Variants in ABTB3 observed in about 807,000 individuals in gnomAD.
ABTB3 encodes the protein ankyrin repeat and BTB domain containing 3, also known as ankyrin repeat- and BTB/POZ domain-containing protein 3.
chr12:107,645,480 A>ACCCAGGCCTGGCTGACT, the ABTB3 span, among the ~76,000 whole-genome samples: 1 of 151,862 alleles, frequency 6.6e-6, no homozygotes, highest in Non-Finnish European at 1.5e-5. Context: ...TGAGGTTCAA[A>ACCCAGGCCTGGCTGACT]CCCAGGCCTG....
chr12:107,588,079 A>T, the ABTB3 span, among the ~76,000 whole-genome samples: 155 of 152,048 alleles, frequency 1.0e-3, 2 homozygotes, highest in Admixed American at 7.3e-3. Flanking sequence ...CATCACTCCA[A>T]TCTCTGCCTC....
At chr12:107,574,415 G>T in the ABTB3 span, among the ~76,000 whole-genome samples, 1 of 152,190 alleles carries the variant, frequency 6.6e-6, no homozygotes, top group African/African-American at 2.4e-5. Context: ...TTATCACCTG[G>T]GAGCGCATTA....
the ABTB3 span, among the ~76,000 whole-genome samples, chr12:107,555,885 A>AG: frequency 6.6e-6 from 1 of 152,120 alleles, no homozygotes; most frequent in Non-Finnish European, 1.5e-5. Flanking sequence ...GCAACAGAGA[A>AG]GGATTCATTG....
At chr12:107,533,327 C>A in the ABTB3 span, among the ~76,000 whole-genome samples, 1 of 152,102 alleles carries the variant, frequency 6.6e-6, no homozygotes, top group African/African-American at 2.4e-5. Context: ...AAGGTATAGA[C>A]TGGCTGAAAG....
the ABTB3 span, chr12:107,581,384 C>A: frequency 5.0e-6 from 6 of 1,192,898 alleles, no homozygotes; most frequent in Admixed American, 2.2e-4. Context: ...ATCAGAGCCC[C>A]GCTGGGCGGC....
At chr12:107,425,920 G>A in the ABTB3 span, among the ~76,000 whole-genome samples, 5 of 152,292 alleles carry the variant, frequency 3.3e-5, no homozygotes, top group Admixed American at 2.0e-4. Flanking sequence ...AGTTGGGTTC[G>A]ACCATCCATC....
At chr12:107,544,169 G>A in the ABTB3 span, 1 of 1,606,548 alleles carries the variant, frequency 6.2e-7, no homozygotes, top group East Asian at 2.2e-5. Context: ...GCCTTGTGGT[G>A]GGTGGGTACT....
the ABTB3 span, among the ~76,000 whole-genome samples, chr12:107,591,287 G>C: frequency 6.6e-6 from 1 of 152,184 alleles, no homozygotes; most frequent in Non-Finnish European, 1.5e-5. Context: ...ATAAAGAACT[G>C]TTAATACCTG....
the ABTB3 span, among the ~76,000 whole-genome samples, chr12:107,576,081 C>T: frequency 2.0e-5 from 3 of 152,146 alleles, no homozygotes; most frequent in Non-Finnish European, 4.4e-5. Flanking sequence ...TGGCTTTGAC[C>T]CCATCCCCTA....
the ABTB3 span, among the ~76,000 whole-genome samples, chr12:107,397,473 G>C: frequency 6.6e-6 from 1 of 150,888 alleles, no homozygotes; most frequent in Admixed American, 6.6e-5. Context: ...TTGCTTGTCT[G>C]TGTGTGTGTG....
At chr12:107,474,122 G>T in the ABTB3 span, among the ~76,000 whole-genome samples, 3 of 152,238 alleles carry the variant, frequency 2.0e-5, no homozygotes, top group African/African-American at 7.2e-5. Flanking sequence ...GTATTGTGCT[G>T]CTGTGTACAT....
chr12:107,357,626 T>G, the ABTB3 span, among the ~76,000 whole-genome samples: 2 of 152,096 alleles, frequency 1.3e-5, no homozygotes, highest in Non-Finnish European at 2.9e-5. Context: ...AAATAAAAAA[T>G]TAAAAAATAA....
At chr12:107,656,062 AG>A in the ABTB3 span, among the ~76,000 whole-genome samples, 1 of 151,728 alleles carries the variant, frequency 6.6e-6, no homozygotes, top group African/African-American at 2.4e-5. Context: ...CTGAGGTGGG[AG>A]GATCACTTGA....
the ABTB3 span, among the ~76,000 whole-genome samples, chr12:107,519,102 C>T: frequency 2.6e-5 from 4 of 152,112 alleles, no homozygotes; most frequent in Non-Finnish European, 5.9e-5. Context: ...ACCACAATAA[C>T]GGTGAGTAAC....
the ABTB3 span, among the ~76,000 whole-genome samples, chr12:107,645,884 G>A: frequency 6.6e-6 from 1 of 152,192 alleles, no homozygotes; most frequent in African/African-American, 2.4e-5. Context: ...ACAGGACCCG[G>A]GGACTTTTCC....
chr12:107,462,461 T>A, the ABTB3 span, among the ~76,000 whole-genome samples: 1 of 152,190 alleles, frequency 6.6e-6, no homozygotes, highest in Non-Finnish European at 1.5e-5. Flanking sequence ...AAGTTTGCAA[T>A]GGGAATGGTG....
chr12:107,587,368 T>C, the ABTB3 span, among the ~76,000 whole-genome samples: 2,585 of 152,206 alleles, frequency 0.017, 75 homozygotes, highest in African/African-American at 0.057. Flanking sequence ...CGTGAGATGC[T>C]GACAGCTGGA....
At chr12:107,382,374 C>T in the ABTB3 span, among the ~76,000 whole-genome samples, 4 of 152,168 alleles carry the variant, frequency 2.6e-5, no homozygotes, top group South Asian at 4.1e-4. Flanking sequence ...GATGTTTCTA[C>T]GTGTGGTGGG....
the ABTB3 span, among the ~76,000 whole-genome samples, chr12:107,630,135 T>C: frequency 6.6e-6 from 1 of 152,202 alleles, no homozygotes; most frequent in African/African-American, 2.4e-5. Context: ...CTTAGGACTC[T>C]GTTCCTTGAA....
Sources: allele counts gnomAD v4.1 joint callset (sites outside exome capture counted in the v4.1 genomes callset), GRCh38; gene constraint gnomAD v4.1.1; transcripts MANE v1.5; gene names NCBI Gene and HGNC (gene_info 2026-07-23, HGNC 2026-07-21).